Variants in SLC16A10 observed in about 807,000 individuals in gnomAD.
SLC16A10 encodes the protein solute carrier family 16 member 10.
Under a neutral mutation model 40.0 loss-of-function variants are expected in SLC16A10, and 27 were observed. The ratio of observed to expected loss-of-function variants is 0.67; its 90% CI spans 0.50 to 0.93. SLC16A10 has a LOEUF of 0.93. Among genes scored for constraint, SLC16A10 ranks in the 40% least tolerant of loss-of-function variants. The pLI is 0.00. For missense variants in SLC16A10, 529 were observed against 658.2 expected (o/e 0.80, Z 2.15); for synonymous variants, 213 against 249.8 (o/e 0.85, Z 1.39).
intron 3 of SLC16A10, among the ~76,000 whole-genome samples, chr6:111,201,299 G>C (rs1466831648): frequency 6.6e-6 from 1 of 152,158 alleles, no homozygotes; most frequent in Non-Finnish European, 1.5e-5. Context: ...ATAACTACTG[G>C]GTGGGGGTAG....
intron 1 of SLC16A10, among the ~76,000 whole-genome samples, chr6:111,092,759 G>T (rs896107866): frequency 6.6e-6 from 1 of 151,816 alleles, no homozygotes; most frequent in Admixed American, 6.6e-5. Context: ...GCAATTTTGG[G>T]CTGGGCGCAG....
chr6:111,147,704 T>G (rs1303197018), intron 1 of SLC16A10, among the ~76,000 whole-genome samples: 1 of 152,204 alleles, frequency 6.6e-6, no homozygotes, highest in African/African-American at 2.4e-5. Context: ...CACACACTAA[T>G]GCAGTGTCAG....
At chr6:111,139,379 G>A (rs1771940422) in intron 1 of SLC16A10, among the ~76,000 whole-genome samples, 1 of 151,890 alleles carries the variant, frequency 6.6e-6, no homozygotes, top group Non-Finnish European at 1.5e-5. Flanking sequence ...TCGGCTCACT[G>A]CACCCTCTGC....
intron 1 of SLC16A10, among the ~76,000 whole-genome samples, chr6:111,098,539 ATG>A (rs1232275133): frequency 6.6e-6 from 1 of 152,204 alleles, no homozygotes; most frequent in Admixed American, 6.5e-5. Context: ...CAATTTTGAG[ATG>A]TGTTTTAATA....
At chr6:111,140,145 CT>C (rs914196600) in intron 1 of SLC16A10, among the ~76,000 whole-genome samples, 1 of 152,154 alleles carries the variant, frequency 6.6e-6, no homozygotes, top group African/African-American at 2.4e-5. Context: ...ACATGTACCC[CT>C]AAACCTAATT....
chr6:111,134,168 C>T (rs1267691019), intron 1 of SLC16A10, among the ~76,000 whole-genome samples: 1 of 152,138 alleles, frequency 6.6e-6, no homozygotes, highest in Non-Finnish European at 1.5e-5. Flanking sequence ...CAGTGTAGCT[C>T]CTCATTGGGA....
At chr6:111,193,782 A>G (rs979158049) in intron 3 of SLC16A10, among the ~76,000 whole-genome samples, 4 of 152,274 alleles carry the variant, frequency 2.6e-5, no homozygotes, top group Admixed American at 6.5e-5. Flanking sequence ...TGAGGGAGAA[A>G]TAAATCCACA....
rs140411144 is a variant in SLC16A10, at chr6:111,134,228, G to A, written c.344-38467G>A. Reference sequence around the variant, plus strand: ...GTGCCGCAGACATTTGCTAACTTGCGTGCTAGAAGGACTAAGGAAAACTAG... The same window carrying A: ...GTGCCGCAGACATTTGCTAACTTGCATGCTAGAAGGACTAAGGAAAACTAG... On this transcript the variant is annotated intron_variant, in intron 1 of 5. Transcript: ENST00000368851. Among the ~76,000 whole-genome samples the A allele has an allele frequency of 7.2e-5, 11 of 152,272 alleles. No individual in the cohort carries two copies. In the East Asian group the frequency reaches 1.9e-3, roughly 27 times the overall value.
intron 4 of SLC16A10, among the ~76,000 whole-genome samples, chr6:111,215,642 A>G (rs1264512533): frequency 6.6e-6 from 1 of 152,194 alleles, no homozygotes; most frequent in East Asian, 1.9e-4. Context: ...ATATGTTTCT[A>G]AGATTTAAGT....
chr6:111,097,351 G>A (rs1023214145), intron 1 of SLC16A10, among the ~76,000 whole-genome samples: 7 of 151,714 alleles, frequency 4.6e-5, no homozygotes, highest in East Asian at 1.9e-4. Flanking sequence ...TTGCTCTGTC[G>A]CCCAGGCTGG....
intron 1 of SLC16A10, among the ~76,000 whole-genome samples, chr6:111,138,332 C>A (rs1771919115): frequency 6.6e-6 from 1 of 152,176 alleles, no homozygotes; most frequent in Admixed American, 6.5e-5. Flanking sequence ...AGAATCTGGT[C>A]TTTGAACCCC....
chr6:111,095,314 T>A (rs955328167), intron 1 of SLC16A10, among the ~76,000 whole-genome samples: 3 of 152,246 alleles, frequency 2.0e-5, no homozygotes, highest in African/African-American at 2.4e-5. Flanking sequence ...TGGTTGGCCA[T>A]TTTATTCTTA....
intron 3 of SLC16A10, among the ~76,000 whole-genome samples, chr6:111,182,662 T>G (rs542439015): frequency 2.0e-5 from 3 of 152,078 alleles, no homozygotes; most frequent in Non-Finnish European, 4.4e-5. Context: ...CTTGGGTAAC[T>G]GCTAGGTGTT....
At position 111,224,456 on chromosome 6, in the gene SLC16A10, A is replaced by G. The variant is rs1197292919; in HGVS notation, c.*2221A>G. 3 of 152,214 alleles carry G rather than the reference A, an allele frequency of 2.0e-5. No homozygotes were observed. The highest frequency in any genetic ancestry group is 4.4e-5 in the Non-Finnish European group (3 of 68,040). The allele number at this position is 152,214 out of a possible 1,614,324, so 9.4% of individuals were successfully genotyped here. ...AAGAAATTGCTTGGTTAGTTTCCAT[A>G]TTAAAACAGCAGTGACAAGTATATA... On this transcript the variant is annotated 3_prime_UTR_variant, in exon 6 of 6. Transcript: ENST00000368851.
intron 1 of SLC16A10, among the ~76,000 whole-genome samples, chr6:111,134,256 A>G (rs373882780): frequency 3.0e-3 from 452 of 152,348 alleles, no homozygotes; most frequent in African/African-American, 0.01. Context: ...AAAACTAGGA[A>G]GAAGCCTATG....
chr6:111,198,915 C>A (rs1332244736), intron 3 of SLC16A10, among the ~76,000 whole-genome samples: 1 of 152,198 alleles, frequency 6.6e-6, no homozygotes, highest in African/African-American at 2.4e-5. Context: ...GAGCATGAAT[C>A]ACAAACAGGA....
At chr6:111,091,029 A>T (rs1770965549) in intron 1 of SLC16A10, among the ~76,000 whole-genome samples, 1 of 152,150 alleles carries the variant, frequency 6.6e-6, no homozygotes, top group Non-Finnish European at 1.5e-5. Context: ...TCCTGTGGCT[A>T]AGCACTTTAG....
intron 4 of SLC16A10, among the ~76,000 whole-genome samples, chr6:111,214,733 T>A (rs1190978000): frequency 6.6e-6 from 1 of 152,244 alleles, no homozygotes; most frequent in Non-Finnish European, 1.5e-5. Flanking sequence ...TTTAAATAAC[T>A]ACATAAATCA....
chr6:111,141,917 G>C (rs547697013), intron 1 of SLC16A10, among the ~76,000 whole-genome samples: 4 of 152,090 alleles, frequency 2.6e-5, no homozygotes, highest in African/African-American at 9.7e-5. Context: ...CAAAATCCCC[G>C]CTAGTTATTT....
Sources: allele counts gnomAD v4.1 joint callset (sites outside exome capture counted in the v4.1 genomes callset), GRCh38; gene constraint gnomAD v4.1.1; transcripts MANE v1.5; gene names NCBI Gene and HGNC (gene_info 2026-07-23, HGNC 2026-07-21).